Variants in ELAVL2 observed in about 807,000 individuals in gnomAD.
ELAVL2 encodes the protein ELAV like RNA binding protein 2.
A neutral mutation model predicts 34.6 loss-of-function variants in ELAVL2; 4 were observed. That is an observed-to-expected ratio of 0.12 (90% CI 0.06 to 0.26). The LOEUF (loss-of-function observed/expected upper bound fraction) is 0.26, where lower values mean the gene tolerates loss of function less well. Ranked by LOEUF, ELAVL2 falls within the 10% of genes least tolerant of loss-of-function variation. ELAVL2 has a pLI of 1.00. For synonymous variants in ELAVL2, 193 were observed against 154.8 expected (o/e 1.25, Z -1.83); for missense variants, 432 against 442.8 (o/e 0.98, Z 0.22).
intron 1 of ELAVL2, among the ~76,000 whole-genome samples, chr9:23,802,037 T>G (rs1205763500): frequency 3.9e-5 from 6 of 152,204 alleles, no homozygotes; most frequent in African/African-American, 1.4e-4. Flanking sequence ...TTTTTTTAAG[T>G]GCAGATGTGT....
chr9:23,817,678 T>C (rs796115489), intron 1 of ELAVL2, among the ~76,000 whole-genome samples: 33 of 152,288 alleles, frequency 2.2e-4, no homozygotes, highest in African/African-American at 7.5e-4. Flanking sequence ...TAAAAAAAAT[T>C]CTTCCCTTGA....
chr9:23,786,781 C>CAAAAAAAAAAAAAAAAAAAAAAA (rs57292061), intron 1 of ELAVL2, among the ~76,000 whole-genome samples: 4 of 108,126 alleles, frequency 3.7e-5, no homozygotes, highest in East Asian at 2.9e-4. Flanking sequence ...ATTTTAGTGG[C>CAAAAAAAAAAAAAAAAAAAAAAA]AAAAAAAAAA....
chr9:23,815,733 ACTATTTTCCAC>A (rs2063613267), intron 1 of ELAVL2, among the ~76,000 whole-genome samples: 3 of 152,306 alleles, frequency 2.0e-5, no homozygotes, highest in South Asian at 4.1e-4. Flanking sequence ...CTTCTAGCCT[ACTATTTTCCAC>A]CTGGCTGTGC....
chr9:23,757,483 G>T (rs899772979), intron 2 of ELAVL2, among the ~76,000 whole-genome samples: 1 of 151,964 alleles, frequency 6.6e-6, no homozygotes, highest in East Asian at 1.9e-4. Context: ...GGGCAAAGAA[G>T]GGAGAGGGTT....
chr9:23,753,496 C>G (rs550102501), intron 2 of ELAVL2, among the ~76,000 whole-genome samples: 2 of 152,002 alleles, frequency 1.3e-5, no homozygotes, highest in East Asian at 3.9e-4. Context: ...TGAAAACTGT[C>G]AAAAACAGGT....
intron 3 of ELAVL2, among the ~76,000 whole-genome samples, chr9:23,708,450 G>C (rs180844411): frequency 1.3e-5 from 2 of 152,124 alleles, no homozygotes; most frequent in African/African-American, 4.8e-5. Context: ...TTCAAACTCT[G>C]ATCTTTCTCT....
intron 1 of ELAVL2, chr9:23,779,125 A>C (rs1279180812): frequency 3.2e-6 from 3 of 930,412 alleles, no homozygotes; most frequent in Non-Finnish European, 3.8e-6. Flanking sequence ...TTAACATTAA[A>C]TTTCCAGGTT....
intron 1 of ELAVL2, among the ~76,000 whole-genome samples, chr9:23,809,024 A>G (rs1217097887): frequency 2.0e-5 from 3 of 152,176 alleles, no homozygotes; most frequent in Admixed American, 6.5e-5. Flanking sequence ...TAAGGTTACT[A>G]TGTCCTATAA....
chr9:23,733,035 T>G (rs1368069596), intron 2 of ELAVL2, among the ~76,000 whole-genome samples: 1 of 152,078 alleles, frequency 6.6e-6, no homozygotes, highest in African/African-American at 2.4e-5. Flanking sequence ...ACTGCTATTC[T>G]ATGACAAAAT....
Position 23,699,812 on chromosome 9 carries a change from GTTTTTTTTTTTTTTTTTTTTT to G in ELAVL2, c.713+1546_713+1566del, listed in dbSNP as rs199637833. ...CCATGGGAAGTCAAAGGTGGCAAAG[GTTTTTTTTTTTTTTTTTTTTT>G]TTTTTTTTTTTTTTTTTTTAATACC... On this transcript the variant is annotated intron_variant, in intron 5 of 6. Coordinates refer to ENST00000397312, the MANE Select transcript of ELAVL2 (RefSeq NM_004432.5). Among the ~76,000 whole-genome samples the G allele has an allele frequency of 1.4e-3, 115 of 82,980 alleles. 2 individuals are homozygous for G. The highest frequency in any genetic ancestry group is 4.1e-3 in the African/African-American group (93 of 22,934). The allele number at this position is 82,980 out of a possible 152,430, so 54.4% of individuals were successfully genotyped here.
At chr9:23,759,577 A>C (rs539642357) in intron 2 of ELAVL2, among the ~76,000 whole-genome samples, 1 of 151,460 alleles carries the variant, frequency 6.6e-6, no homozygotes, top group Non-Finnish European at 1.5e-5. Context: ...AGAAATTATG[A>C]ATGTTTGAGA....
At chr9:23,778,694 G>A (rs1006813024) in intron 1 of ELAVL2, among the ~76,000 whole-genome samples, 2 of 152,126 alleles carry the variant, frequency 1.3e-5, no homozygotes, top group African/African-American at 4.8e-5. Context: ...TACTGGGGGA[G>A]GGAGGGGGTT....
chr9:23,809,121 A>T (rs979474885), intron 1 of ELAVL2, among the ~76,000 whole-genome samples: 3 of 152,140 alleles, frequency 2.0e-5, no homozygotes, highest in Admixed American at 6.5e-5. Context: ...ATTACAGCTA[A>T]CCAGTACGGA....
intron 3 of ELAVL2, among the ~76,000 whole-genome samples, chr9:23,726,988 T>G (rs1377392215): frequency 1.3e-5 from 2 of 152,040 alleles, no homozygotes; most frequent in East Asian, 3.8e-4. Context: ...AGCATACAAC[T>G]TGACACTTCC....
intron 1 of ELAVL2, among the ~76,000 whole-genome samples, chr9:23,791,640 T>A (rs1265401304): frequency 6.6e-6 from 1 of 152,152 alleles, no homozygotes; most frequent in Non-Finnish European, 1.5e-5. Context: ...TCCAATAGGA[T>A]TGGTGTCCAT....
At chr9:23,835,918 T>C in the ELAVL2 span, among the ~76,000 whole-genome samples, 1 of 152,208 alleles carries the variant, frequency 6.6e-6, no homozygotes, top group East Asian at 1.9e-4. Context: ...ATGTATCATA[T>C]AATTTGATAA....
intron 1 of ELAVL2, among the ~76,000 whole-genome samples, chr9:23,810,479 T>A (rs879869791): frequency 2.0e-5 from 3 of 152,134 alleles, no homozygotes; most frequent in Admixed American, 6.5e-5. Context: ...TCTAAAGCAA[T>A]TTAATATGGA....
chr9:23,748,383 CG>C (rs1164834311), intron 2 of ELAVL2, among the ~76,000 whole-genome samples: 2 of 152,100 alleles, frequency 1.3e-5, no homozygotes, highest in Non-Finnish European at 2.9e-5. Context: ...AGACCCCACA[CG>C]GATGTTTGTC....
chr9:23,834,528 C>A, the ELAVL2 span, among the ~76,000 whole-genome samples: 1 of 151,948 alleles, frequency 6.6e-6, no homozygotes, highest in Non-Finnish European at 1.5e-5. Flanking sequence ...ATAAAATACT[C>A]AAAACTTCCT....
Sources: allele counts gnomAD v4.1 joint callset (sites outside exome capture counted in the v4.1 genomes callset), GRCh38; gene constraint gnomAD v4.1.1; transcripts MANE v1.5; gene names NCBI Gene and HGNC (gene_info 2026-07-23, HGNC 2026-07-21).